Variants in ANKS1B observed in about 807,000 individuals in gnomAD.
The protein encoded by ANKS1B is ankyrin repeat and sterile alpha motif domain-containing protein 1B.
A neutral mutation model predicts 148.3 loss-of-function variants in ANKS1B; 36 were observed. The ratio of observed to expected loss-of-function variants is 0.24; its 90% confidence interval spans 0.19 to 0.32. The LOEUF is 0.32. Ranked by LOEUF, ANKS1B falls within the 10% of genes least tolerant of loss-of-function variation. The pLI is 1.00. For synonymous variants in ANKS1B, 542 were observed against 560.8 expected (o/e 0.97, Z 0.47); for missense variants, 1,157 against 1,542.6 (o/e 0.75, Z 4.19).
chr12:99,462,428 C>T (rs996820876), intron 10 of ANKS1B, among the ~76,000 whole-genome samples: 1 of 152,228 alleles, frequency 6.6e-6, no homozygotes, highest in Non-Finnish European at 1.5e-5. Flanking sequence ...TTCATCACAG[C>T]CTGATCTCTC....
intron 22 of ANKS1B, among the ~76,000 whole-genome samples, chr12:98,790,134 T>TG (rs2098834690): frequency 2.6e-5 from 4 of 152,240 alleles, no homozygotes; most frequent in Non-Finnish European, 5.9e-5. Flanking sequence ...TGCAAATGTG[T>TG]GAAAAAACAC....
intron 22 of ANKS1B, among the ~76,000 whole-genome samples, chr12:98,798,724 C>A (rs924453133): frequency 2.6e-5 from 4 of 151,996 alleles, no homozygotes; most frequent in African/African-American, 4.8e-5. Context: ...AAATATAGTA[C>A]AAATATAGCA....
chr12:99,072,582 T>C (rs572627117), intron 16 of ANKS1B, among the ~76,000 whole-genome samples: 4 of 152,276 alleles, frequency 2.6e-5, no homozygotes, highest in East Asian at 1.9e-4. Context: ...AAGTGGATTA[T>C]TTAGCTTACT....
intron 9 of ANKS1B, among the ~76,000 whole-genome samples, chr12:99,526,605 A>C (rs2096929071): frequency 6.6e-6 from 1 of 152,176 alleles, no homozygotes; most frequent in Non-Finnish European, 1.5e-5. Context: ...ATCCCTCTTT[A>C]GAAGTTACTG....
rs140747863 is a variant in ANKS1B at position 99,827,835 on chromosome 12, CAG to C, written c.135-2448_135-2447del. On this transcript the variant is annotated intron_variant, in intron 1 of 26. Coordinates refer to ENST00000683438, the MANE Select transcript of ANKS1B (RefSeq NM_001352186.2). ...ACAACCACTTAGTGAAACAATTTGGCAGTTTCTTAAAAAGTTATATACAAATA... is the reference window on the plus strand; with the variant it reads ...ACAACCACTTAGTGAAACAATTTGGCTTTCTTAAAAAGTTATATACAAATA... 2.4e-4 allele frequency among the ~76,000 whole-genome samples: 36 copies of C among 152,268 alleles called. No homozygotes were observed. The East Asian group carries it at 6.8e-3, about 29-fold the overall frequency.
intron 1 of ANKS1B, among the ~76,000 whole-genome samples, chr12:99,899,322 G>A (rs972762041): frequency 6.6e-6 from 1 of 152,166 alleles, no homozygotes; most frequent in Admixed American, 6.5e-5. Context: ...ACTTCCTGTA[G>A]TTAAAATTAC....
At chr12:99,715,065 G>A (rs1372373067) in intron 8 of ANKS1B, among the ~76,000 whole-genome samples, 2 of 151,966 alleles carry the variant, frequency 1.3e-5, no homozygotes, top group African/African-American at 2.4e-5. Context: ...GGAGGCGGGG[G>A]TTGCAATAAG....
chr12:99,223,796 C>A (rs557582317), intron 14 of ANKS1B, among the ~76,000 whole-genome samples: 1 of 152,280 alleles, frequency 6.6e-6, no homozygotes, highest in African/African-American at 2.4e-5. Context: ...GCCCAACCAG[C>A]CAGCTGTTAG....
chr12:98,796,180 G>A (rs1442184937), intron 22 of ANKS1B, among the ~76,000 whole-genome samples: 4 of 152,096 alleles, frequency 2.6e-5, no homozygotes, highest in Non-Finnish European at 2.9e-5. Context: ...TGTTAACAAA[G>A]TACATTTAAG....
In ANKS1B at chr12:99,584,985, G is replaced by A. The variant is rs559568766; in HGVS notation, c.1272+70082C>T. ...ATCATCCAAACTATATCATCCCCCC[G>A]GCCCCTCCCAAATCTCATGTTCTCG... On this transcript the variant is annotated intron_variant, in intron 9 of 26. Transcript: ENST00000683438. Among the ~76,000 whole-genome samples the A allele has an allele frequency of 1.2e-4, 18 of 151,964 alleles. No individual in the cohort carries two copies. The South Asian group carries it at 1.3e-3, about 11-fold the overall frequency.
chr12:99,085,040 A>C lies in ANKS1B; in HGVS notation c.2527-17T>G. Reference sequence around the variant, plus strand: ...ATTGCTTCCCTGAAACAAAACAGAAATGTTACAAGTTAAATCAAGCATTTA... The same window carrying C: ...ATTGCTTCCCTGAAACAAAACAGAACTGTTACAAGTTAAATCAAGCATTTA... On this transcript the variant is annotated splice_polypyrimidine_tract_variant and intron_variant, in intron 15 of 26. Coordinates refer to ENST00000683438, the MANE Select transcript of ANKS1B (RefSeq NM_001352186.2). The C allele has an allele frequency of 1.3e-6, 2 of 1,574,854 alleles. No individual in the cohort carries two copies. Among genetic ancestry groups the C allele is most frequent in the Non-Finnish European group, 8.7e-7 (1 of 1,152,070 alleles).
chr12:99,955,492 CAAAAAAAAAAAAAAAAAAAAAA>C lies in ANKS1B; in HGVS notation c.134+28590_134+28611del, dbSNP rs61654867. Among the ~76,000 whole-genome samples, 359 of 38,110 alleles carry C rather than the reference CAAAAAAAAAAAAAAAAAAAAAA, an allele frequency of 9.4e-3. 3 individuals carry two copies. Among genetic ancestry groups the C allele is most frequent in the African/African-American group, 0.032 (343 of 10,684 alleles). The allele number at this position is 38,110 out of a possible 152,430, so 25.0% of individuals were successfully genotyped here. On this transcript the variant is annotated intron_variant, in intron 1 of 26. Transcript: ENST00000683438. The stretch of plus-strand genomic sequence containing the variant: ...TGGGCGACAGAGCGAAACTCCGTCT[CAAAAAAAAAAAAAAAAAAAAAA>C]AAAAAAAAAAAAAAGGCCTTCTCCT...
At chr12:99,096,123 A>G (rs1487884792) in intron 15 of ANKS1B, among the ~76,000 whole-genome samples, 1 of 152,192 alleles carries the variant, frequency 6.6e-6, no homozygotes, top group Non-Finnish European at 1.5e-5. Context: ...ACACATTATA[A>G]TCATAACAGG....
intron 9 of ANKS1B, among the ~76,000 whole-genome samples, chr12:99,506,982 A>C (rs1211228685): frequency 6.6e-6 from 1 of 151,978 alleles, no homozygotes; most frequent in Non-Finnish European, 1.5e-5. Flanking sequence ...TGTCCCTAGA[A>C]TCTAATACAG....
intron 1 of ANKS1B, among the ~76,000 whole-genome samples, chr12:99,859,530 A>T (rs560095462): frequency 6.6e-6 from 1 of 152,356 alleles, no homozygotes; most frequent in African/African-American, 2.4e-5. Flanking sequence ...TATTCACTAC[A>T]GGCTACAGTT....
chr12:99,832,796 G>A (rs971549178), intron 1 of ANKS1B, among the ~76,000 whole-genome samples: 33 of 151,662 alleles, frequency 2.2e-4, no homozygotes, highest in African/African-American at 7.8e-4. Context: ...AAATTAATTA[G>A]TCCAATAGCT....
chr12:99,687,799 T>G (rs1002469268), intron 8 of ANKS1B, among the ~76,000 whole-genome samples: 50 of 152,314 alleles, frequency 3.3e-4, no homozygotes, highest in African/African-American at 1.2e-3. Context: ...TGCTGCTAAA[T>G]CTATTGTCTC....
At chr12:99,824,403 G>A (rs574130674) in intron 2 of ANKS1B, among the ~76,000 whole-genome samples, 106 of 152,242 alleles carry the variant, frequency 7.0e-4, no homozygotes, top group Non-Finnish European at 2.6e-4. Context: ...AGGAGGCAGA[G>A]GCAGGAGAAT....
intron 16 of ANKS1B, among the ~76,000 whole-genome samples, chr12:99,068,427 T>C (rs1048671769): frequency 3.3e-5 from 5 of 152,186 alleles, no homozygotes; most frequent in Admixed American, 6.6e-5. Flanking sequence ...TACTAGGTGA[T>C]GGAAATTTTT....
Sources: allele counts gnomAD v4.1 joint callset (sites outside exome capture counted in the v4.1 genomes callset), GRCh38; gene constraint gnomAD v4.1.1; transcripts MANE v1.5; gene names NCBI Gene and HGNC (gene_info 2026-07-23, HGNC 2026-07-21).